NEBL: variants seen among roughly 807,000 people sequenced by gnomAD.
NEBL encodes the protein nebulette, also known as LIM and SH3 protein 2.
In NEBL, 122 loss-of-function variants were observed where a neutral mutation model predicts 140.2. The ratio of observed to expected loss-of-function variants is 0.87; its 90% confidence interval spans 0.75 to 1.01. NEBL has a LOEUF of 1.01. Among genes scored for constraint, NEBL ranks in the 50% least tolerant of loss-of-function variants. The pLI, the probability that NEBL is intolerant of heterozygous loss-of-function variation, is 0.00. For synonymous variants in NEBL, 436 were observed against 398.9 expected, an observed-to-expected ratio of 1.09 and a Z score of -1.11; for missense variants, 1,365 against 1,231.3, an observed-to-expected ratio of 1.11 and a Z score of -1.62.
intron 2 of NEBL, among the ~76,000 whole-genome samples, chr10:21,020,505 AG>A (rs1337679744): frequency 6.6e-6 from 1 of 152,048 alleles, no homozygotes; most frequent in African/African-American, 2.4e-5. Flanking sequence ...ACACCCTTCC[AG>A]CATGTGTGCC....
intron 4 of NEBL, among the ~76,000 whole-genome samples, chr10:20,949,986 G>C (rs1411853476): frequency 6.6e-6 from 1 of 152,156 alleles, no homozygotes; most frequent in African/African-American, 2.4e-5. Context: ...TAATAAAATA[G>C]TATGACTCGT....
chr10:20,794,316 T>C (rs1014501455), intron 26 of NEBL, among the ~76,000 whole-genome samples: 4 of 149,302 alleles, frequency 2.7e-5, no homozygotes, highest in African/African-American at 9.7e-5. Flanking sequence ...TCTCCTCTTC[T>C]AGACTCTCAT....
At chr10:21,073,941 G>A (rs1409473973) in intron 2 of NEBL, among the ~76,000 whole-genome samples, 1 of 152,094 alleles carries the variant, frequency 6.6e-6, no homozygotes, top group Non-Finnish European at 1.5e-5. Context: ...CGGACGTGGT[G>A]GCGGGTGCCT....
intron 2 of NEBL, among the ~76,000 whole-genome samples, chr10:21,092,486 G>A (rs1589226146): frequency 6.6e-6 from 1 of 151,890 alleles, no homozygotes. Flanking sequence ...CGTCTGACCT[G>A]CCTATAATTT....
rs138735770 is a variant in NEBL at position 21,150,001 on chromosome 10, C to G, written c.164+22382G>C. ...CAGTTTGTGTTTTTTCCACTCAGAACTCTCCCCTTAGAGAGGTTCTCTACT... is the reference window on the plus strand; with the variant it reads ...CAGTTTGTGTTTTTTCCACTCAGAAGTCTCCCCTTAGAGAGGTTCTCTACT... On this transcript the variant is annotated intron_variant, in intron 2 of 6. Transcript: ENST00000417816. Among the ~76,000 whole-genome samples, 679 of 152,268 alleles carry G rather than the reference C, an allele frequency of 4.5e-3. 2 individuals are homozygous for G. The highest frequency in any genetic ancestry group is 0.016 in the African/African-American group (659 of 41,562).
intron 2 of NEBL, among the ~76,000 whole-genome samples, chr10:21,160,764 A>T (rs1474676424): frequency 6.6e-6 from 1 of 152,174 alleles, no homozygotes; most frequent in East Asian, 1.9e-4. Flanking sequence ...AGATTCTTCC[A>T]CAAGAGCCTG....
chr10:21,145,193 G>C (rs988294310), intron 2 of NEBL, among the ~76,000 whole-genome samples: 2 of 152,168 alleles, frequency 1.3e-5, no homozygotes, highest in Non-Finnish European at 2.9e-5. Flanking sequence ...TGGGACAGTA[G>C]GTTGCTATTG....
rs1389851948 is a variant in NEBL at position 20,785,866 on chromosome 10, T to C, written c.2926A>G (p.Arg976Gly). ...ACGTTGACGATGTAGTCGCCGTCTC[T>C]AAAGGAGACCTCGTCTTCATCCTGG... Reference protein sequence around the residue: ...SAQDEDEVSFRDGDYIVNVQP... With the variant: ...SAQDEDEVSFGDGDYIVNVQP... The change falls in exon 28 of 28, where the codon AGA becomes GGA. Residue 976 changes from arginine to glycine, a missense_variant. By Grantham distance (125) the Arg-to-Gly change is moderately radical. Transcript: ENST00000377122. The C allele has an allele frequency of 6.2e-7, 1 of 1,614,014 alleles. No homozygotes were observed.
intron 5 of NEBL, among the ~76,000 whole-genome samples, chr10:20,876,423 C>T (rs1845507937): frequency 6.6e-6 from 1 of 152,036 alleles, no homozygotes; most frequent in African/African-American, 2.4e-5. Flanking sequence ...TCCTAAAGCA[C>T]TATTATTGTA....
chr10:20,987,354 C>G (rs1837295681), intron 3 of NEBL, among the ~76,000 whole-genome samples: 1 of 152,098 alleles, frequency 6.6e-6, no homozygotes, highest in African/African-American at 2.4e-5. Context: ...TTGTTCATCT[C>G]TCCTCCCTGC....
At chr10:21,087,869 G>A (rs1836712078) in intron 2 of NEBL, among the ~76,000 whole-genome samples, 1 of 152,134 alleles carries the variant, frequency 6.6e-6, no homozygotes, top group Non-Finnish European at 1.5e-5. Context: ...TCAGAAAATG[G>A]ACATGTAAAA....
intron 3 of NEBL, among the ~76,000 whole-genome samples, chr10:21,211,982 A>G (rs908510787): frequency 6.7e-6 from 1 of 150,234 alleles, no homozygotes; most frequent in African/African-American, 2.4e-5. Context: ...AGGGTTTTAA[A>G]TCACTCAATT....
rs1841806284 is a variant in NEBL, at chr10:20,845,328, C to T, written c.1157G>A (p.Arg386Lys). The T allele has an allele frequency of 2.5e-6, 4 of 1,605,496 alleles. No homozygotes were observed. The highest frequency in any genetic ancestry group is 2.2e-5 in the East Asian group (1 of 44,744). ...AGTCTTGTCTAAATCCAGTGATGAC[C>T]TTCCTTTAATCTCCTTCTCAAAATC... ...KEDFEKEIKG[R>K]SSLDLDKTPE... is the part of the protein sequence containing the mutation. The change falls in exon 12 of 28, where the codon AGG becomes AAG. Residue 386 changes from arginine to lysine, a missense_variant. Arg to Lys is a conservative substitution (Grantham distance 26, BLOSUM62 2). This residue lies in a region of NEBL where 1,323 missense variants were observed against 1,154.8 expected (regional missense o/e 1.15). Transcript: ENST00000377122.
chr10:21,029,768 G>C, intron 2 of NEBL: 1 of 770,644 alleles, frequency 1.3e-6, no homozygotes, highest in Non-Finnish European at 2.3e-6. Flanking sequence ...TGGCGGTAGG[G>C]ATCGCTATGA....
At chr10:21,210,231 A>C (rs1322053739) in intron 3 of NEBL, among the ~76,000 whole-genome samples, 1 of 152,208 alleles carries the variant, frequency 6.6e-6, no homozygotes, top group African/African-American at 2.4e-5. Flanking sequence ...GTCTCTACCA[A>C]AAATACAAAA....
chr10:21,057,687 C>G (rs1187740577), intron 2 of NEBL, among the ~76,000 whole-genome samples: 2 of 151,704 alleles, frequency 1.3e-5, no homozygotes, highest in East Asian at 3.9e-4. Context: ...ACAGCTGGGA[C>G]TACAGGAGCG....
At chr10:20,934,916 A>G (rs1055130486) in intron 4 of NEBL, among the ~76,000 whole-genome samples, 1 of 152,238 alleles carries the variant, frequency 6.6e-6, no homozygotes, top group Non-Finnish European at 1.5e-5. Flanking sequence ...GATCTAGGAC[A>G]GTATCACGAT....
chr10:21,071,339 A>C (rs1215568376), intron 2 of NEBL, among the ~76,000 whole-genome samples: 1 of 152,004 alleles, frequency 6.6e-6, no homozygotes, highest in Non-Finnish European at 1.5e-5. Context: ...AAACCCAAAA[A>C]TGAATTTTTT....
intron 3 of NEBL, among the ~76,000 whole-genome samples, chr10:21,012,109 TCAGCAGAGAGAGAGGAGG>T (rs1838363554): frequency 6.6e-6 from 1 of 152,138 alleles, no homozygotes; most frequent in Admixed American, 6.5e-5. Flanking sequence ...GAGCCTGCAG[TCAGCAGAGAGAGAGGAGG>T]TCATGTTTCA....
Sources: gnomAD v4.1 joint callset for allele counts (sites outside exome capture counted in the v4.1 genomes callset) on GRCh38, gnomAD v4.1.1 for gene constraint, gnomAD v4.1.1 regional missense constraint, MANE v1.5 for transcripts, NCBI Gene and HGNC (gene_info 2026-07-23, HGNC 2026-07-21) for gene names.